The following ABCB1 variants were observed in gnomAD, a reference collection of about 807,000 sequenced individuals.
ABCB1 encodes ATP-dependent translocase ABCB1.
Under a neutral mutation model 142.0 loss-of-function variants are expected in ABCB1, and 69 were observed. The observed-to-expected ratio is 0.49, with a 90% CI of 0.40 to 0.59. ABCB1 has a LOEUF of 0.59. ABCB1 is among the 20% of genes least tolerant of loss of function. The pLI is 0.00. For synonymous variants in ABCB1, 532 were observed against 539.2 expected, an observed-to-expected ratio of 0.99 and a Z score of 0.18; for missense variants, 1,326 against 1,554.7, an observed-to-expected ratio of 0.85 and a Z score of 2.47.
At chr7:87,691,691 A>G (rs889607334) in intron 1 of ABCB1, among the ~76,000 whole-genome samples, 10 of 152,142 alleles carry the variant, frequency 6.6e-5, no homozygotes, top group Non-Finnish European at 1.2e-4. Flanking sequence ...AAATATTTAT[A>G]TTCCTTCCCA....
At chr7:87,618,062 A>G (rs1820085609) in intron 1 of ABCB1, among the ~76,000 whole-genome samples, 1 of 152,088 alleles carries the variant, frequency 6.6e-6, no homozygotes, top group South Asian at 2.1e-4. Context: ...TTCTTCCTTC[A>G]TACCAGAATT....
intron 23 of ABCB1, among the ~76,000 whole-genome samples, chr7:87,517,145 T>C (rs1266323073): frequency 2.0e-5 from 3 of 152,172 alleles, no homozygotes; most frequent in Non-Finnish European, 2.9e-5. Flanking sequence ...ATGTGATAGA[T>C]TGATTGCAAA....
intron 1 of ABCB1, among the ~76,000 whole-genome samples, chr7:87,674,641 A>T (rs1826144550): frequency 6.6e-6 from 1 of 151,994 alleles, no homozygotes; most frequent in Admixed American, 6.6e-5. Context: ...GCTAGCATGT[A>T]TTGGCAGGGG....
At chr7:87,631,370 T>C (rs188210954) in intron 1 of ABCB1, among the ~76,000 whole-genome samples, 7 of 152,318 alleles carry the variant, frequency 4.6e-5, no homozygotes, top group Admixed American at 4.6e-4. Context: ...CTCATGTCTC[T>C]TATGAATTCT....
chr7:87,581,254 G>C (rs1818494346), intron 4 of ABCB1, among the ~76,000 whole-genome samples: 1 of 151,998 alleles, frequency 6.6e-6, no homozygotes, highest in Non-Finnish European at 1.5e-5. Flanking sequence ...ACCACACCCA[G>C]CTTCTAGTCC....
At chr7:87,701,636 C>T (rs1299985209) in intron 1 of ABCB1, among the ~76,000 whole-genome samples, 1 of 152,130 alleles carries the variant, frequency 6.6e-6, no homozygotes, top group Non-Finnish European at 1.5e-5. Flanking sequence ...ATTACAGAAA[C>T]TTACCATTTA....
intron 21 of ABCB1, 80 bp from the exon 22 acceptor site, chr7:87,520,956 T>A: frequency 9.6e-7 from 1 of 1,039,532 alleles, no homozygotes; most frequent in Non-Finnish European, 1.5e-6. Context: ...AACAGACTAA[T>A]GAAAATAATT....
Position 87,679,564 on chromosome 7 carries a change from A to T in ABCB1, c.-331+33597T>A, listed in dbSNP as rs925078411. The stretch of plus-strand genomic sequence containing the variant: ...ACCACTACACCCAGCTAATTTTTTG[A>T]TTTTTTATAGAGGCTAGGTCTCACT... On this transcript the variant is annotated intron_variant, in intron 1 of 28. Transcript: ENST00000265724. 4.1e-4 allele frequency among the ~76,000 whole-genome samples: 62 copies of T among 149,822 alleles called. 4 individuals are homozygous for T. Among genetic ancestry groups the T allele is most frequent in the Non-Finnish European group, 1.6e-4 (11 of 67,670 alleles).
At chr7:87,566,652 GC>G (rs1817794157) in intron 6 of ABCB1, 132 bp downstream of exon 6, 3 of 917,138 alleles carry the variant, frequency 3.3e-6, no homozygotes, top group Admixed American at 4.0e-5. Context: ...CATTGTTGCT[GC>G]TTAGAAGGAA....
intron 26 of ABCB1, among the ~76,000 whole-genome samples, chr7:87,506,548 C>T (rs945957789): frequency 4.1e-4 from 62 of 150,968 alleles, no homozygotes; most frequent in Non-Finnish European, 7.2e-4. Flanking sequence ...TTAATGGATG[C>T]TATCAAAATG....
intron 21 of ABCB1, among the ~76,000 whole-genome samples, chr7:87,528,448 G>A (rs1584850084): frequency 1.3e-5 from 2 of 151,926 alleles, no homozygotes; most frequent in Admixed American, 1.3e-4. Context: ...TACATGGCTT[G>A]TGAGTTTTTT....
intron 1 of ABCB1, among the ~76,000 whole-genome samples, chr7:87,688,608 T>C (rs186400958): frequency 5.9e-5 from 9 of 152,124 alleles, no homozygotes; most frequent in Admixed American, 3.9e-4. Context: ...TTGATTAGTC[T>C]TCATACATGA....
chr7:87,691,832 G>A (rs144566481), intron 1 of ABCB1, among the ~76,000 whole-genome samples: 4,766 of 152,186 alleles, frequency 0.031, 71 homozygotes, highest in Middle Eastern at 0.048. Flanking sequence ...CTAAGGAGTA[G>A]GTCAGCTTGA....
chr7:87,551,971 T>C (rs56735241), intron 9 of ABCB1, among the ~76,000 whole-genome samples: 450 of 152,312 alleles, frequency 3.0e-3, no homozygotes, highest in African/African-American at 0.01. Context: ...TCTTAGAATC[T>C]TTGGCTTCAA....
At chr7:87,647,346 A>G (rs970259379) in intron 1 of ABCB1, among the ~76,000 whole-genome samples, 9 of 152,120 alleles carry the variant, frequency 5.9e-5, no homozygotes, top group African/African-American at 2.2e-4. Context: ...AAAAATTCCC[A>G]TTTTCTAAGA....
chr7:87,626,091 T>TATATATATATATAGTCATATATATGTGTC (rs1554444008), intron 1 of ABCB1, among the ~76,000 whole-genome samples: 1 of 95,816 alleles, frequency 1.0e-5, no homozygotes, highest in South Asian at 3.1e-4. Flanking sequence ...TATATATATA[T>TATATATATATATAGTCATATATATGTGTC]ATATATATTG....
In ABCB1 at chr7:87,595,898, A is replaced by G. The variant is rs187967885; in HGVS notation, c.69-84T>C. 3.1e-5 allele frequency: 33 copies of G among 1,048,858 alleles called. No individual in the cohort carries two copies. The African/African-American group carries it at 4.8e-4, about 15-fold the overall frequency. The allele number at this position is 1,048,858 out of a possible 1,614,324, so 65.0% of individuals were successfully genotyped here. Reference sequence around the variant, plus strand: ...CCAAATTAACATAGAATGTATATTTAATGACTAATAGGAAGAAGAAATATG... The same window carrying G: ...CCAAATTAACATAGAATGTATATTTGATGACTAATAGGAAGAAGAAATATG... On this transcript the variant is annotated intron_variant, in intron 2 of 27. Transcript: ENST00000622132.
At chr7:87,676,278 C>T (rs1398396003) in intron 1 of ABCB1, among the ~76,000 whole-genome samples, 1 of 151,934 alleles carries the variant, frequency 6.6e-6, no homozygotes, top group Non-Finnish European at 1.5e-5. Flanking sequence ...AGGAAACAAT[C>T]CACAAAATGA....
In ABCB1 at chr7:87,659,516, A is replaced by G. The variant is rs144000976; in HGVS notation, c.-331+53645T>C. ...TGTGTGTGTAGCATAGTTGTTTTAA[A>G]TATTTCCTCTACATACATATAGGAC... On this transcript the variant is annotated intron_variant, in intron 1 of 28. Transcript: ENST00000265724. 3.3e-5 allele frequency among the ~76,000 whole-genome samples: 5 copies of G among 152,238 alleles called. No individual in the cohort carries two copies. In the East Asian group the frequency reaches 9.7e-4, roughly 29 times the overall value.
Sources: allele counts gnomAD v4.1 joint callset (sites outside exome capture counted in the v4.1 genomes callset), GRCh38; gene constraint gnomAD v4.1.1; transcripts MANE v1.5; gene names NCBI Gene and HGNC (gene_info 2026-07-23, HGNC 2026-07-21).